ADAMTSL1: variants seen among roughly 807,000 people sequenced by gnomAD.
ADAMTSL1 encodes ADAMTS-like protein 1.
A neutral mutation model predicts 201.8 loss-of-function variants in ADAMTSL1; 126 were observed. That is an observed-to-expected ratio of 0.62 (90% CI 0.54 to 0.72). ADAMTSL1 has a LOEUF of 0.72. Ranked by LOEUF, ADAMTSL1 falls within the 30% of genes least tolerant of loss-of-function variation. The pLI is 0.00. For synonymous variants in ADAMTSL1, 1,121 were observed against 903.4 expected (o/e 1.24, Z -4.32); for missense variants, 2,679 against 2,277.8 (o/e 1.18, Z -3.59).
chr9:18,592,762 T>C (rs1227480044), intron 4 of ADAMTSL1, among the ~76,000 whole-genome samples: 2 of 152,200 alleles, frequency 1.3e-5, no homozygotes, highest in African/African-American at 4.8e-5. Flanking sequence ...GTGAAGAATG[T>C]CTTTGGTATT....
At chr9:18,579,032 G>C (rs187478585) in intron 4 of ADAMTSL1, among the ~76,000 whole-genome samples, 239 of 152,010 alleles carry the variant, frequency 1.6e-3, no homozygotes, top group African/African-American at 5.7e-3. Flanking sequence ...GTCTTCTTTT[G>C]AGAAGTGTCT....
At chr9:18,672,183 C>CTTTTTT (rs1829860283) in intron 9 of ADAMTSL1, among the ~76,000 whole-genome samples, 1 of 148,770 alleles carries the variant, frequency 6.7e-6, no homozygotes. Flanking sequence ...CCAATTTTGG[C>CTTTTTT]TTGTTTTTTT....
At chr9:18,541,363 A>T (rs1820133349) in intron 3 of ADAMTSL1, among the ~76,000 whole-genome samples, 1 of 152,084 alleles carries the variant, frequency 6.6e-6, no homozygotes. Flanking sequence ...TATAAAAATT[A>T]TCTTGATGTT....
chr9:18,481,042 A>T (rs1821703847), intron 1 of ADAMTSL1, among the ~76,000 whole-genome samples: 1 of 152,222 alleles, frequency 6.6e-6, no homozygotes, highest in Non-Finnish European at 1.5e-5. Context: ...TGAGAAGCTG[A>T]AACCAGGGTG....
intron 1 of ADAMTSL1, among the ~76,000 whole-genome samples, chr9:18,043,552 A>T (rs1322031784): frequency 6.6e-6 from 1 of 152,092 alleles, no homozygotes; most frequent in African/African-American, 2.4e-5. Context: ...CCAACCTACT[A>T]GATGGCCTAG....
intron 2 of ADAMTSL1, among the ~76,000 whole-genome samples, chr9:18,347,648 T>A (rs1466210140): frequency 6.6e-6 from 1 of 152,140 alleles, no homozygotes. Context: ...CACTGCTCCT[T>A]TTCCTCTCCC....
At chr9:17,956,983 C>T (rs1827957184) in intron 1 of ADAMTSL1, among the ~76,000 whole-genome samples, 1 of 152,258 alleles carries the variant, frequency 6.6e-6, no homozygotes, top group South Asian at 2.1e-4. Context: ...TTAATTGTTA[C>T]TGCTAACATG....
At chr9:18,877,777 C>G (rs923036641) in intron 23 of ADAMTSL1, among the ~76,000 whole-genome samples, 1 of 152,038 alleles carries the variant, frequency 6.6e-6, no homozygotes, top group African/African-American at 2.4e-5. Flanking sequence ...CAAGCTTGCC[C>G]TAGGGTCACC....
At chr9:18,052,065 A>G (rs1179611271) in intron 1 of ADAMTSL1, among the ~76,000 whole-genome samples, 2 of 152,228 alleles carry the variant, frequency 1.3e-5, no homozygotes, top group Non-Finnish European at 2.9e-5. Context: ...TAGAGCTCCT[A>G]TTTTTAGAAC....
intron 2 of ADAMTSL1, among the ~76,000 whole-genome samples, chr9:18,429,618 C>A (rs1354292196): frequency 6.6e-6 from 1 of 152,084 alleles, no homozygotes; most frequent in Non-Finnish European, 1.5e-5. Flanking sequence ...AAATGCAGAG[C>A]AGCATTAATT....
chr9:18,629,534 G>A (rs930353787), intron 5 of ADAMTSL1, among the ~76,000 whole-genome samples: 4 of 152,094 alleles, frequency 2.6e-5, no homozygotes, highest in Non-Finnish European at 5.9e-5. Context: ...TTGTTATTGT[G>A]ATGAATTACA....
intron 1 of ADAMTSL1, among the ~76,000 whole-genome samples, chr9:17,958,546 T>A (rs1452446051): frequency 6.6e-6 from 1 of 152,180 alleles, no homozygotes; most frequent in Non-Finnish European, 1.5e-5. Flanking sequence ...GAACAGCTCA[T>A]TAATTGGGCA....
Position 18,817,215 on chromosome 9 carries a change from G to A in ADAMTSL1, c.3912G>A (p.Val1304=). 6.4e-7 allele frequency: 1 copy of A among 1,558,942 alleles called. No individual in the cohort carries two copies. The change falls in exon 21 of 29, where the codon GTG becomes GTA. Residue 1304 remains valine (V), a synonymous_variant. Transcript: ENST00000380548. ...TCAAAACAGTGCAGGGAGTGAATGT[G>A]ACAATCAACTGCCAGGTTGCAGGTG... The part of the protein sequence containing the change: ...STIKTVQGVN[V]TINCQVAGVP...
intron 2 of ADAMTSL1, among the ~76,000 whole-genome samples, chr9:18,274,888 C>T (rs1440180832): frequency 6.6e-6 from 1 of 152,190 alleles, no homozygotes; most frequent in Non-Finnish European, 1.5e-5. Flanking sequence ...AATAAAAGAT[C>T]ATTCTGAACT....
intron 1 of ADAMTSL1, among the ~76,000 whole-genome samples, chr9:18,029,945 G>A (rs969908886): frequency 2.6e-5 from 4 of 151,552 alleles, no homozygotes; most frequent in African/African-American, 9.6e-5. Flanking sequence ...TTACACTGTT[G>A]GTGGGACTGT....
Position 18,282,789 on chromosome 9 carries a change from G to C in ADAMTSL1, c.207+118808G>C, listed in dbSNP as rs896156016. ...GCGCAGGCCTGTAATCCCAGCTACT[G>C]GGGAGGCTGAGGCAGGAGAATCGCT... On this transcript the variant is annotated intron_variant, in intron 2 of 29. Transcript: ENST00000680146. Among the ~76,000 whole-genome samples the C allele has an allele frequency of 2.6e-5, 4 of 152,112 alleles. No individual in the cohort carries two copies. In the South Asian group the frequency reaches 8.3e-4, roughly 32 times the overall value.
At chr9:18,027,663 T>G (rs1182697433) in intron 1 of ADAMTSL1, among the ~76,000 whole-genome samples, 1 of 152,064 alleles carries the variant, frequency 6.6e-6, no homozygotes. Context: ...GTATGTTCCA[T>G]GTGTAGATGA....
At chr9:18,453,929 A>C (rs73418940) in intron 2 of ADAMTSL1, among the ~76,000 whole-genome samples, 6,417 of 152,294 alleles carry the variant, frequency 0.042, 417 homozygotes, top group African/African-American at 0.15. Flanking sequence ...TCTTATAATT[A>C]TCTTCCTCTA....
intron 2 of ADAMTSL1, among the ~76,000 whole-genome samples, chr9:18,531,671 C>G (rs1351250060): frequency 6.6e-6 from 1 of 152,184 alleles, no homozygotes; most frequent in Non-Finnish European, 1.5e-5. Context: ...ATGCTATATG[C>G]ATTTCTTACA....
Sources: allele counts gnomAD v4.1 joint callset (sites outside exome capture counted in the v4.1 genomes callset), GRCh38; gene constraint gnomAD v4.1.1; transcripts MANE v1.5; gene names NCBI Gene and HGNC (gene_info 2026-07-23, HGNC 2026-07-21).